Variants in IGF1R observed in about 807,000 individuals in gnomAD.
IGF1R encodes insulin like growth factor 1 receptor.
Under a neutral mutation model 144.6 loss-of-function variants are expected in IGF1R, and 44 were observed. That is an observed-to-expected ratio of 0.30 (90% CI 0.24 to 0.39). The LOEUF is 0.39. IGF1R is among the 10% of genes least tolerant of loss of function. IGF1R has a pLI of 1.00. For synonymous variants in IGF1R, 795 were observed against 722.8 expected (o/e 1.10, Z -1.60); for missense variants, 1,355 against 1,833.7 (o/e 0.74, Z 4.77).
intron 2 of IGF1R, among the ~76,000 whole-genome samples, chr15:98,871,189 CAAG>C (rs2012766941): frequency 1.3e-5 from 2 of 152,262 alleles, no homozygotes; most frequent in Non-Finnish European, 2.9e-5. Flanking sequence ...AGCTCTCAAG[CAAG>C]CATCCAAGTT....
chr15:98,825,280 G>A (rs2056872367), intron 2 of IGF1R, among the ~76,000 whole-genome samples: 1 of 152,096 alleles, frequency 6.6e-6, no homozygotes, highest in Non-Finnish European at 1.5e-5. Flanking sequence ...CCAAAATCTG[G>A]GACCACCCCA....
At chr15:98,743,996 G>T (rs2141320464) in intron 2 of IGF1R, among the ~76,000 whole-genome samples, 1 of 152,288 alleles carries the variant, frequency 6.6e-6, no homozygotes, top group African/African-American at 2.4e-5. Flanking sequence ...GGAAGATCAG[G>T]TGGGGACTGT....
In IGF1R at chr15:98,707,906, G is replaced by C. The variant is rs2053904147; in HGVS notation, c.439G>C (p.Ala147Pro). ...GGGGGCCATCAGGATTGAGAAAAAT[G>C]CTGACCTCTGTTACCTCTCCACTGT... ...TRGAIRIEKN[A>P]DLCYLSTVDW... Residue 147 changes from alanine (A) to proline (P), a missense_variant, in exon 2 of 21, where the codon GCT (alanine) becomes CCT (proline). Physicochemically the swap from Ala to Pro is conservative, Grantham distance 27. Transcript: ENST00000650285. This position sits in a 1 kb window ranked among gnomAD's most constrained non-coding sequence, Gnocchi z 6.7. The C allele has an allele frequency of 6.2e-7, 1 of 1,613,994 alleles. No individual in the cohort carries two copies.
At chr15:98,893,806 G>A (rs2151647845) in intron 3 of IGF1R, among the ~76,000 whole-genome samples, 1 of 152,246 alleles carries the variant, frequency 6.6e-6, no homozygotes, top group Admixed American at 6.5e-5. Context: ...CATTCTTACA[G>A]TCCGTTAAAA....
intron 2 of IGF1R, among the ~76,000 whole-genome samples, chr15:98,837,749 A>C (rs2011113051): frequency 6.6e-6 from 1 of 152,204 alleles, no homozygotes; most frequent in South Asian, 2.1e-4. Flanking sequence ...TCATTTATTC[A>C]TTGGAATTTT....
rs1393754037 is a variant in IGF1R, at chr15:98,788,566, T to TG, written c.640+80464dup. Among the ~76,000 whole-genome samples the TG allele has an allele frequency of 5.9e-5, 9 of 152,350 alleles. No individual in the cohort carries two copies. The South Asian group carries it at 1.9e-3, about 32-fold the overall frequency. On this transcript the variant is annotated intron_variant, in intron 2 of 20. Transcript: ENST00000650285. The stretch of plus-strand genomic sequence containing the variant: ...TTTGTTTGGTAGAAGCTTCCCTGTT[T>TG]GGGGGAGTCTTTTCCCTGAATGCAT...
chr15:98,650,940 G>A (rs1465714520), intron 1 of IGF1R: 2 of 984,964 alleles, frequency 2.0e-6, no homozygotes, highest in Admixed American at 6.1e-5. Flanking sequence ...CGGTGTCTAC[G>A]GCCGGAGGAG....
At chr15:98,930,991 C>T (rs1245245360) in intron 15 of IGF1R, among the ~76,000 whole-genome samples, 1 of 152,148 alleles carries the variant, frequency 6.6e-6, no homozygotes, top group Non-Finnish European at 1.5e-5. Context: ...GATACTAGGA[C>T]CCTTAACTGG....
intron 1 of IGF1R, among the ~76,000 whole-genome samples, chr15:98,659,481 A>C (rs958690655): frequency 6.6e-6 from 1 of 152,150 alleles, no homozygotes; most frequent in South Asian, 2.1e-4. Context: ...AGCGATCCCA[A>C]CCCACTCTCT....
At chr15:98,835,527 C>T (rs1464034062) in intron 2 of IGF1R, among the ~76,000 whole-genome samples, 1 of 152,186 alleles carries the variant, frequency 6.6e-6, no homozygotes, top group Non-Finnish European at 1.5e-5. Context: ...ACCTTTTGTC[C>T]ACCCCAAGGA....
intron 2 of IGF1R, among the ~76,000 whole-genome samples, chr15:98,839,470 C>A (rs2011139418): frequency 1.3e-5 from 2 of 152,214 alleles, no homozygotes; most frequent in Admixed American, 6.5e-5. Flanking sequence ...GGCAGCTCAA[C>A]CTTGTGTGCC....
chr15:98,750,965 T>G (rs2054996114), intron 2 of IGF1R, among the ~76,000 whole-genome samples: 1 of 151,986 alleles, frequency 6.6e-6, no homozygotes, highest in African/African-American at 2.4e-5. Context: ...ATTTTTGTGT[T>G]TTTTTTGTAG....
chr15:98,902,977 T>C (rs1490356036), intron 5 of IGF1R, among the ~76,000 whole-genome samples: 1 of 152,154 alleles, frequency 6.6e-6, no homozygotes, highest in East Asian at 1.9e-4. Flanking sequence ...TGTTGACTTT[T>C]ATATCGCACT....
chr15:98,869,186 A>C (rs1349486331), intron 2 of IGF1R, among the ~76,000 whole-genome samples: 1 of 152,194 alleles, frequency 6.6e-6, no homozygotes, highest in African/African-American at 2.4e-5. Context: ...GTTGAAACAT[A>C]GGAAAGTACT....
intron 13 of IGF1R, among the ~76,000 whole-genome samples, chr15:98,925,710 C>G (rs1272490074): frequency 6.6e-6 from 1 of 152,220 alleles, no homozygotes; most frequent in Non-Finnish European, 1.5e-5. Context: ...TGAGACTAGC[C>G]TGGCCAACAT....
At chr15:98,912,292 T>C (rs970734217) in intron 7 of IGF1R, among the ~76,000 whole-genome samples, 2 of 152,212 alleles carry the variant, frequency 1.3e-5, no homozygotes, top group Admixed American at 6.5e-5. Flanking sequence ...GAATGAGAAA[T>C]TGGGTACTTA....
In IGF1R at chr15:98,962,835, G is replaced by A. The variant is rs528841024; in HGVS notation, c.*5393G>A. On this transcript the variant is annotated 3_prime_UTR_variant, in exon 21 of 21. Coordinates refer to ENST00000650285, the MANE Select transcript of IGF1R (RefSeq NM_000875.5). Reference sequence around the variant, plus strand: ...ACATCCTACTCTGGAAACTGATCTCGGAGTTAAGGCGAATTGTTCAAGAAC... The same window carrying A: ...ACATCCTACTCTGGAAACTGATCTCAGAGTTAAGGCGAATTGTTCAAGAAC... 7 of 233,700 alleles carry A rather than the reference G, an allele frequency of 3.0e-5. No homozygotes were observed. The highest frequency in any genetic ancestry group is 1.3e-3 in the Middle Eastern group (1 of 786). The allele number at this position is 233,700 out of a possible 1,614,324, so 14.5% of individuals were successfully genotyped here. A position where few individuals can be genotyped will look rare whatever the true frequency, so the allele number is the denominator to read the frequency against.
In IGF1R at chr15:98,783,699, C is replaced by A. The variant is rs1185311016; in HGVS notation, c.640+75592C>A. Among the ~76,000 whole-genome samples the A allele has an allele frequency of 2.0e-5, 3 of 152,164 alleles. No individual in the cohort carries two copies. In the East Asian group the frequency reaches 5.8e-4, roughly 29 times the overall value. On this transcript the variant is annotated intron_variant, in intron 2 of 20. Coordinates refer to ENST00000650285, the MANE Select transcript of IGF1R (RefSeq NM_000875.5). ...ATATAGAGATACAACTTATTGAACT[C>A]ACTTTTTAGTTTATGCTAGTTTATT...
rs1261524792 is a variant in IGF1R at position 98,957,984 on chromosome 15, C to A, written c.*542C>A. ...CTAGGGACATGAAATTTACAAAGGGCCATCGTTCATCCAAGGCTGTTACCA... is the reference window on the plus strand; with the variant it reads ...CTAGGGACATGAAATTTACAAAGGGACATCGTTCATCCAAGGCTGTTACCA... On this transcript the variant is annotated 3_prime_UTR_variant, in exon 21 of 21. Coordinates refer to ENST00000650285, the MANE Select transcript of IGF1R (RefSeq NM_000875.5). 1.3e-5 allele frequency: 3 copies of A among 235,676 alleles called. No homozygotes were observed. Among genetic ancestry groups the A allele is most frequent in the African/African-American group, 6.6e-5 (3 of 45,342 alleles). 14.6% of individuals were successfully genotyped at this position (235,676 alleles called of 1,614,324 possible). A position where few individuals can be genotyped will look rare whatever the true frequency, so the allele number is the denominator to read the frequency against.
Sources: allele counts gnomAD v4.1 joint callset (sites outside exome capture counted in the v4.1 genomes callset), GRCh38; gene constraint gnomAD v4.1.1; non-coding constraint Gnocchi (gnomAD v3.1); transcripts MANE v1.5; gene names NCBI Gene and HGNC (gene_info 2026-07-23, HGNC 2026-07-21).